The following CORO2B variants were observed in gnomAD, a reference collection of about 807,000 sequenced individuals.
CORO2B encodes coronin-2B.
A neutral mutation model predicts 58.8 loss-of-function variants in CORO2B; 26 were observed. That is an observed-to-expected ratio of 0.44 (90% CI 0.32 to 0.61). CORO2B has a LOEUF of 0.61. Among genes scored for constraint, CORO2B ranks in the 20% least tolerant of loss-of-function variants. The probability of loss-of-function intolerance (pLI) is 0.04; values close to 1 mark genes in which losing one functional copy is unlikely to be tolerated. For missense variants in CORO2B, 460 were observed against 645.1 expected, an observed-to-expected ratio of 0.71 and a Z score of 3.11; for synonymous variants, 242 against 253.8, an observed-to-expected ratio of 0.95 and a Z score of 0.44.
chr15:68,706,353 A>G (rs1017521641), intron 3 of CORO2B, among the ~76,000 whole-genome samples: 1 of 152,184 alleles, frequency 6.6e-6, no homozygotes, highest in Non-Finnish European at 1.5e-5. Context: ...GCTGGGTTCA[A>G]GCTTTCCAAC....
At chr15:68,642,297 G>A (rs770015285) in intron 1 of CORO2B, among the ~76,000 whole-genome samples, 3 of 152,140 alleles carry the variant, frequency 2.0e-5, no homozygotes, top group African/African-American at 7.2e-5. Context: ...CTAGGTGTGC[G>A]TGGCTTCCAG....
chr15:68,621,006 T>G (rs1900501565), intron 1 of CORO2B, among the ~76,000 whole-genome samples: 1 of 152,208 alleles, frequency 6.6e-6, no homozygotes, highest in Non-Finnish European at 1.5e-5. Flanking sequence ...AGCTATTACT[T>G]TCTGAAGGAG....
At chr15:68,541,150 G>A in the CORO2B span, among the ~76,000 whole-genome samples, 1 of 151,942 alleles carries the variant, frequency 6.6e-6, no homozygotes, top group Non-Finnish European at 1.5e-5. Flanking sequence ...TGGGAGGGTG[G>A]CTTGAGCCTG....
chr15:68,681,906 G>T (rs946060426), intron 2 of CORO2B, among the ~76,000 whole-genome samples: 1 of 152,158 alleles, frequency 6.6e-6, no homozygotes, highest in Non-Finnish European at 1.5e-5. Flanking sequence ...TGCAGAAAGG[G>T]TTTAGGGGCT....
In CORO2B at chr15:68,643,123, T is replaced by C. The variant is rs1348727822; in HGVS notation, c.16-2037T>C. Among the ~76,000 whole-genome samples the C allele has an allele frequency of 4.6e-5, 7 of 152,236 alleles. No homozygotes were observed. In the East Asian group the frequency reaches 1.3e-3, roughly 29 times the overall value. On this transcript the variant is annotated intron_variant, in intron 1 of 11. Coordinates refer to ENST00000261861, the MANE Select transcript of CORO2B (RefSeq NM_006091.5). ...TCATGGATTTGGCATGCAAGTTATA[T>C]TTTTTCTAAAGCAATTTAAAATAAA...
At chr15:68,553,352 T>C in the CORO2B span, among the ~76,000 whole-genome samples, 3 of 148,814 alleles carry the variant, frequency 2.0e-5, no homozygotes, top group Admixed American at 2.0e-4. Context: ...AGTCCTAAAG[T>C]AATCACAAGA....
At position 68,621,534 on chromosome 15, in the gene CORO2B, A is replaced by G. The variant is rs1421592802; in HGVS notation, c.16-23626A>G. On this transcript the variant is annotated intron_variant, in intron 1 of 11. Coordinates refer to ENST00000261861, the MANE Select transcript of CORO2B (RefSeq NM_006091.5). ...ACTGGCCTGAACTGGAGACCAGCAC[A>G]TGTGCACCTGGGATGGGAATGAACT... 4.6e-5 allele frequency among the ~76,000 whole-genome samples: 7 copies of G among 152,170 alleles called. No homozygotes were observed. The South Asian group carries it at 1.2e-3, about 27-fold the overall frequency.
chr15:68,643,197 C>G (rs1240527042), intron 1 of CORO2B, among the ~76,000 whole-genome samples: 1 of 152,118 alleles, frequency 6.6e-6, no homozygotes, highest in African/African-American at 2.4e-5. Context: ...TGTAAAGGAC[C>G]ACCTGGGACC....
intron 2 of CORO2B, among the ~76,000 whole-genome samples, chr15:68,658,254 G>A (rs1288066904): frequency 6.6e-6 from 1 of 152,224 alleles, no homozygotes; most frequent in Admixed American, 6.5e-5. Context: ...CTGGACCAGG[G>A]AGAGGGAACA....
intron 2 of CORO2B, among the ~76,000 whole-genome samples, chr15:68,661,593 A>C (rs1902017745): frequency 6.6e-6 from 1 of 152,220 alleles, no homozygotes; most frequent in Non-Finnish European, 1.5e-5. Flanking sequence ...ACATTTGCAC[A>C]AAACAGTAGA....
intron 2 of CORO2B, among the ~76,000 whole-genome samples, chr15:68,653,640 A>G (rs1183003374): frequency 6.6e-6 from 1 of 152,204 alleles, no homozygotes; most frequent in Non-Finnish European, 1.5e-5. Flanking sequence ...AGCTGAATCT[A>G]GAAGTTGGTG....
chr15:68,549,538 C>T, the CORO2B span, among the ~76,000 whole-genome samples: 1 of 152,236 alleles, frequency 6.6e-6, no homozygotes, highest in South Asian at 2.1e-4. Context: ...CTGACTGGTC[C>T]AGCCCAGGCC....
chr15:68,601,804 C>T (rs531606444), intron 1 of CORO2B, among the ~76,000 whole-genome samples: 24 of 152,238 alleles, frequency 1.6e-4, no homozygotes, highest in South Asian at 6.2e-4. Flanking sequence ...TGTCTTAGTC[C>T]CTCTGTGCTG....
At chr15:68,693,178 A>G (rs1239125977) in intron 2 of CORO2B, among the ~76,000 whole-genome samples, 2 of 151,010 alleles carry the variant, frequency 1.3e-5, no homozygotes, top group Admixed American at 1.3e-4. Flanking sequence ...TACCACTACC[A>G]TTTTCTCCAG....
chr15:68,695,214 C>T lies in CORO2B; in HGVS notation c.291C>T (p.Pro97=). The T allele has an allele frequency of 1.2e-6, 2 of 1,614,146 alleles. No individual in the cohort carries two copies. Among genetic ancestry groups the T allele is most frequent in the Non-Finnish European group, 1.7e-6 (2 of 1,180,038 alleles). Residue 97 remains proline (P), a synonymous_variant, in exon 3 of 12, where the codon CCC becomes CCT. Coordinates refer to ENST00000261861, the MANE Select transcript of CORO2B (RefSeq NM_006091.5). ...QGNVLDIKWN[P]FIDNIIASCS... ...ATGTGCTGGATATCAAATGGAACCC[C>T]TTCATCGACAACATCATTGCCTCGT... is the stretch of plus-strand genomic sequence containing the variant.
chr15:68,702,821 C>CTTTTTTTTTTTTTTTTTTTTTTTTTTTTT (rs113249272), intron 3 of CORO2B, among the ~76,000 whole-genome samples: 1 of 96,256 alleles, frequency 1.0e-5, no homozygotes, highest in Non-Finnish European at 1.9e-5. Context: ...TTTTCTTTTT[C>CTTTTTTTTTTTTTTTTTTTTTTTTTTTTT]TTTTTTTTTT....
chr15:68,715,320 C>T lies in CORO2B; in HGVS notation c.967+9C>T, dbSNP rs747064429. ...CCCGCAGAAAGGCCTAGGTAAGTGG[C>T]CCCGAGGCTGCCACAGCTGGTGTGC... On this transcript the variant is annotated intron_variant, in intron 8 of 11. Transcript: ENST00000261861. The T allele has an allele frequency of 6.2e-6, 10 of 1,603,918 alleles. No individual in the cohort carries two copies. In the Admixed American group the frequency reaches 8.4e-5, roughly 13 times the overall value.
In CORO2B at chr15:68,709,626, T is replaced by G. The variant is rs369693166; in HGVS notation, c.334-1106T>G. On this transcript the variant is annotated intron_variant, in intron 3 of 11. Coordinates refer to ENST00000261861, the MANE Select transcript of CORO2B (RefSeq NM_006091.5). ...CGTGCGCCACTACACCCGGCTAATT[T>G]TTGTTTCTTTGGTAGAGGCACGGTC... is the stretch of plus-strand genomic sequence containing the variant. Among the ~76,000 whole-genome samples, 13 of 152,172 alleles carry G rather than the reference T, an allele frequency of 8.5e-5. No individual in the cohort carries two copies. The East Asian group carries it at 2.5e-3, about 29-fold the overall frequency.
intron 1 of CORO2B, among the ~76,000 whole-genome samples, chr15:68,582,912 C>T (rs1252772229): frequency 6.6e-6 from 1 of 152,186 alleles, no homozygotes; most frequent in East Asian, 1.9e-4. Flanking sequence ...TCAGGGGGGT[C>T]AGCGGTCCAG....
Sources: gnomAD v4.1 joint callset for allele counts (sites outside exome capture counted in the v4.1 genomes callset) on GRCh38, gnomAD v4.1.1 for gene constraint, MANE v1.5 for transcripts, NCBI Gene and HGNC (gene_info 2026-07-23, HGNC 2026-07-21) for gene names.